The following VDAC1 variants were observed in gnomAD, a reference collection of about 807,000 sequenced individuals.
The protein encoded by VDAC1 is voltage dependent anion channel 1.
A neutral mutation model predicts 34.7 loss-of-function variants in VDAC1; 10 were observed. That is an observed-to-expected ratio of 0.29 (90% confidence interval 0.18 to 0.49). VDAC1 has a LOEUF of 0.49. Ranked by LOEUF, VDAC1 falls within the 20% of genes least tolerant of loss-of-function variation. VDAC1 has a pLI of 0.99. For synonymous variants in VDAC1, 130 were observed against 136.0 expected, an observed-to-expected ratio of 0.96 and a Z score of 0.30; for missense variants, 230 against 347.9, an observed-to-expected ratio of 0.66 and a Z score of 2.69.
At chr5:133,979,382 CTCT>C (rs2126914707) in intron 6 of VDAC1, among the ~76,000 whole-genome samples, 1 of 148,870 alleles carries the variant, frequency 6.7e-6, no homozygotes, top group Admixed American at 6.7e-5. Context: ...TATGTTTCAC[CTCT>C]TCTTAATTAA....
the VDAC1 span, among the ~76,000 whole-genome samples, chr5:134,043,757 T>G: frequency 6.6e-6 from 1 of 152,152 alleles, no homozygotes; most frequent in Non-Finnish European, 1.5e-5. Flanking sequence ...CATCTTGAAC[T>G]CCTGGGCTCA....
At chr5:133,990,129 G>A (rs1753048570) in intron 5 of VDAC1, among the ~76,000 whole-genome samples, 2 of 152,234 alleles carry the variant, frequency 1.3e-5, no homozygotes, top group South Asian at 2.1e-4. Flanking sequence ...CCCAGGAATT[G>A]AGGCAGACTA....
At chr5:134,027,704 C>T in the VDAC1 span, among the ~76,000 whole-genome samples, 155 of 152,074 alleles carry the variant, frequency 1.0e-3, no homozygotes, top group African/African-American at 3.6e-3. Flanking sequence ...TCTCCCTGCC[C>T]ACCTACCATG....
intron 1 of VDAC1, 97 bp from the exon 2 acceptor site, chr5:133,993,115 A>T: frequency 7.9e-7 from 1 of 1,273,022 alleles, no homozygotes; most frequent in Non-Finnish European, 1.1e-6. Context: ...AACCAATAAA[A>T]ATCACCTAGC....
At chr5:134,103,642 A>C in the VDAC1 span, among the ~76,000 whole-genome samples, 1 of 152,250 alleles carries the variant, frequency 6.6e-6, no homozygotes, top group Non-Finnish European at 1.5e-5. Context: ...ACACACTGTG[A>C]GCCTGTCTCA....
chr5:133,973,195 T>A (rs1462433518), intron 8 of VDAC1, among the ~76,000 whole-genome samples: 4 of 152,224 alleles, frequency 2.6e-5, no homozygotes, highest in Non-Finnish European at 5.9e-5. Context: ...TCCCTTTAAA[T>A]GAAACCTCAA....
the VDAC1 span, among the ~76,000 whole-genome samples, chr5:134,055,599 T>TTG: frequency 3.0e-5 from 4 of 134,830 alleles, no homozygotes; most frequent in African/African-American, 1.2e-4. Context: ...TTTTTTTTTT[T>TTG]TTTTTTTTTT....
chr5:134,033,677 A>G, the VDAC1 span, among the ~76,000 whole-genome samples: 1 of 151,060 alleles, frequency 6.6e-6, no homozygotes, highest in African/African-American at 2.4e-5. Context: ...CAAAATGGAA[A>G]AAAAAAAAAA....
intron 1 of VDAC1, among the ~76,000 whole-genome samples, chr5:134,001,712 ATC>A: frequency 1.2e-5 from 1 of 86,360 alleles, no homozygotes; most frequent in African/African-American, 4.8e-5. Context: ...GTGAGACTCC[ATC>A]TAAAAAAAAA....
At chr5:133,986,217 A>G (rs185596564) in intron 5 of VDAC1, among the ~76,000 whole-genome samples, 2 of 152,228 alleles carry the variant, frequency 1.3e-5, no homozygotes, top group African/African-American at 4.8e-5. Flanking sequence ...GTCCTTATTG[A>G]GGTCTGTGGC....
the VDAC1 span, among the ~76,000 whole-genome samples, chr5:134,078,118 A>G: frequency 6.6e-6 from 1 of 152,210 alleles, no homozygotes; most frequent in Non-Finnish European, 1.5e-5. Flanking sequence ...ACACTGCCCA[A>G]CACCTGCTCT....
chr5:134,002,378 G>A (rs1753590788), intron 1 of VDAC1, among the ~76,000 whole-genome samples: 2 of 152,098 alleles, frequency 1.3e-5, no homozygotes, highest in African/African-American at 4.8e-5. Flanking sequence ...CCACAGGCAG[G>A]CACCCTACTC....
chr5:134,061,245 G>A, the VDAC1 span, among the ~76,000 whole-genome samples: 1 of 144,178 alleles, frequency 6.9e-6, no homozygotes, highest in Admixed American at 7.2e-5. Context: ...TGTTCTTCCT[G>A]TTCCTCATCT....
At chr5:134,080,749 T>C in the VDAC1 span, among the ~76,000 whole-genome samples, 1 of 152,210 alleles carries the variant, frequency 6.6e-6, no homozygotes, top group Non-Finnish European at 1.5e-5. Context: ...CATTTGTTCA[T>C]ATTTTTCAAC....
chr5:134,056,056 T>G, the VDAC1 span, among the ~76,000 whole-genome samples: 1 of 151,814 alleles, frequency 6.6e-6, no homozygotes, highest in African/African-American at 2.4e-5. Flanking sequence ...CTGGCCAATA[T>G]GGTGAAACCC....
At chr5:134,067,118 C>T in the VDAC1 span, among the ~76,000 whole-genome samples, 114 of 150,198 alleles carry the variant, frequency 7.6e-4, no homozygotes, top group Non-Finnish European at 1.3e-3. Flanking sequence ...TGTTGTTACC[C>T]GGGCTGGAGT....
the VDAC1 span, among the ~76,000 whole-genome samples, chr5:134,039,453 T>C: frequency 1.5e-4 from 23 of 152,274 alleles, no homozygotes; most frequent in Admixed American, 2.6e-4. Flanking sequence ...CTCAGCCTTC[T>C]GAGTAGCTGG....
At chr5:134,043,751 T>G in the VDAC1 span, among the ~76,000 whole-genome samples, 1 of 152,162 alleles carries the variant, frequency 6.6e-6, no homozygotes, top group Non-Finnish European at 1.5e-5. Context: ...CAAGCTCATC[T>G]TGAACTCCTG....
the VDAC1 span, among the ~76,000 whole-genome samples, chr5:134,114,391 C>T: frequency 1.3e-5 from 2 of 152,142 alleles, no homozygotes; most frequent in East Asian, 3.9e-4. Context: ...TAGGGGACCC[C>T]CGCCCTCCAC....
Sources: gnomAD v4.1 joint callset for allele counts (sites outside exome capture counted in the v4.1 genomes callset) on GRCh38, gnomAD v4.1.1 for gene constraint, MANE v1.5 for transcripts, NCBI Gene and HGNC (gene_info 2026-07-23, HGNC 2026-07-21) for gene names.